Variants in STXBP4 observed in about 807,000 individuals in gnomAD.
STXBP4 encodes syntaxin binding protein 4, also known as syntaxin-binding protein 4.
In STXBP4, 55 loss-of-function variants were observed where a neutral mutation model predicts 76.1. That is an observed-to-expected ratio of 0.72 (90% confidence interval 0.58 to 0.91). The LOEUF (loss-of-function observed/expected upper bound fraction) is 0.91. STXBP4 is among the 40% of genes least tolerant of loss of function. The pLI, the probability that STXBP4 is intolerant of heterozygous loss-of-function variation, is 0.00. For missense variants in STXBP4, 618 were observed against 636.9 expected, an observed-to-expected ratio of 0.97 and a Z score of 0.32; for synonymous variants, 201 against 220.2, an observed-to-expected ratio of 0.91 and a Z score of 0.77.
rs1567739291 is a variant in STXBP4, at chr17:55,052,945, GTGT to G, written c.1011+5792_1011+5794del. 6.1e-4 allele frequency among the ~76,000 whole-genome samples: 87 copies of G among 142,874 alleles called. 3 individuals carry two copies. The South Asian group carries it at 0.02, about 33-fold the overall frequency. The allele number at this position is 142,874 out of a possible 152,430, so 93.7% of individuals were successfully genotyped here. A position where few individuals can be genotyped will look rare whatever the true frequency, so the allele number is the denominator to read the frequency against. On this transcript the variant is annotated intron_variant, in intron 12 of 17. Coordinates refer to ENST00000376352, the MANE Select transcript of STXBP4 (RefSeq NM_178509.6). Reference sequence around the variant, plus strand: ...TGTGTGTGTGTGTGTGTGTGTGTGTGTGTGTGGGTTGTATTCTTTAGAAATGTC... The same window carrying G: ...TGTGTGTGTGTGTGTGTGTGTGTGTGGTGGGTTGTATTCTTTAGAAATGTC...
chr17:55,017,792 A>G (rs2078235157), intron 8 of STXBP4, among the ~76,000 whole-genome samples: 1 of 152,166 alleles, frequency 6.6e-6, no homozygotes, highest in Non-Finnish European at 1.5e-5. Flanking sequence ...CTCCCAACCC[A>G]GAAGGGTTGG....
intron 7 of STXBP4, among the ~76,000 whole-genome samples, chr17:55,004,975 A>C (rs1413213156): frequency 6.6e-6 from 1 of 152,186 alleles, no homozygotes. Context: ...CTGAATTGAC[A>C]AAGTGTGCTG....
rs141691832 is a variant in STXBP4, at chr17:55,083,541, AT to A, written c.1489+2360del. Among the ~76,000 whole-genome samples, 477 of 152,214 alleles carry A rather than the reference AT, an allele frequency of 3.1e-3. 12 individuals are homozygous for A. Among genetic ancestry groups the A allele is most frequent in the East Asian group, 0.025 (128 of 5,172 alleles). On this transcript the variant is annotated intron_variant, in intron 16 of 17. Coordinates refer to ENST00000376352, the MANE Select transcript of STXBP4 (RefSeq NM_178509.6). ...TAATGGCTTAAACCAACAATTTAGTATTGTCTCTCATGGTCCTTTTGGTTAA... is the reference window on the plus strand; with the variant it reads ...TAATGGCTTAAACCAACAATTTAGTATGTCTCTCATGGTCCTTTTGGTTAA...
At chr17:55,102,844 T>C (rs2079583257) in intron 16 of STXBP4, among the ~76,000 whole-genome samples, 1 of 152,214 alleles carries the variant, frequency 6.6e-6, no homozygotes, top group Non-Finnish European at 1.5e-5. Context: ...TGGTATCTCA[T>C]TGTGGTTTTG....
At chr17:55,205,252 C>G in the STXBP4 span, among the ~76,000 whole-genome samples, 1 of 151,674 alleles carries the variant, frequency 6.6e-6, no homozygotes, top group African/African-American at 2.4e-5. Flanking sequence ...AGAAAGGTAT[C>G]AAGAGATGTT....
the STXBP4 span, among the ~76,000 whole-genome samples, chr17:55,191,857 G>C: frequency 2.0e-5 from 3 of 152,088 alleles, no homozygotes; most frequent in East Asian, 5.8e-4. Context: ...CCAATTTCAG[G>C]CACCAGTCAA....
intron 12 of STXBP4, among the ~76,000 whole-genome samples, chr17:55,054,419 G>C (rs1349298369): frequency 2.0e-5 from 3 of 152,084 alleles, no homozygotes; most frequent in African/African-American, 7.2e-5. Flanking sequence ...AACTTGGGAG[G>C]TGGAGGCTGC....
intron 17 of STXBP4, among the ~76,000 whole-genome samples, chr17:55,152,816 T>C (rs933024871): frequency 2.6e-5 from 4 of 152,298 alleles, no homozygotes; most frequent in South Asian, 4.1e-4. Context: ...CCATATCATA[T>C]GGCAAATACT....
chr17:55,145,247 C>T (rs2080139358), intron 17 of STXBP4, among the ~76,000 whole-genome samples: 1 of 152,158 alleles, frequency 6.6e-6, no homozygotes, highest in African/African-American at 2.4e-5. Flanking sequence ...TCTGTGTAGC[C>T]TGTGTTAGCT....
Position 55,172,718 on chromosome 17 carries a change from A to C in STXBP4, c.*12807A>C, listed in dbSNP as rs1331361177. 2 of 152,212 alleles carry C rather than the reference A, an allele frequency of 1.3e-5. No individual in the cohort carries two copies. Among genetic ancestry groups the C allele is most frequent in the African/African-American group, 4.8e-5 (2 of 41,442 alleles). The allele number at this position is 152,212 out of a possible 1,614,324, so 9.4% of individuals were successfully genotyped here. ...ATTATTTCTAATTTGCATATGAGAA[A>C]AAACTAAGGCTCGGATGAGTTATGT... On this transcript the variant is annotated 3_prime_UTR_variant, in exon 18 of 18. Coordinates refer to ENST00000376352, the MANE Select transcript of STXBP4 (RefSeq NM_178509.6).
At chr17:55,185,263 CCTTCTCCTTCTCCTTCTCCTT>C in the STXBP4 span, among the ~76,000 whole-genome samples, 89 of 51,492 alleles carry the variant, frequency 1.7e-3, 1 homozygote, top group African/African-American at 6.7e-3. Flanking sequence ...TTCTCCTTCT[CCTTCTCCTTCTCCTTCTCCTT>C]CTCCTTCTCC....
intron 7 of STXBP4, among the ~76,000 whole-genome samples, chr17:55,006,986 T>C (rs2078019923): frequency 6.6e-6 from 1 of 152,202 alleles, no homozygotes; most frequent in Non-Finnish European, 1.5e-5. Context: ...AATTGCCTAC[T>C]CTTATATCTT....
chr17:55,211,803 T>TG, the STXBP4 span, among the ~76,000 whole-genome samples: 5,680 of 110,116 alleles, frequency 0.052, 357 homozygotes, highest in East Asian at 0.22. Flanking sequence ...TTTGTTGTTT[T>TG]TTTTTTTTTT....
intron 8 of STXBP4, among the ~76,000 whole-genome samples, chr17:55,018,354 G>A (rs201261633): frequency 4.2e-4 from 64 of 152,314 alleles, no homozygotes; most frequent in Non-Finnish European, 7.6e-4. Flanking sequence ...GCGGGTCTGC[G>A]ATGGCAGCAA....
At chr17:55,121,527 C>T (rs2079843287) in intron 16 of STXBP4, among the ~76,000 whole-genome samples, 1 of 152,146 alleles carries the variant, frequency 6.6e-6, no homozygotes, top group Non-Finnish European at 1.5e-5. Context: ...CTAGAATCCC[C>T]AGGGTCTCTG....
intron 17 of STXBP4, among the ~76,000 whole-genome samples, chr17:55,142,392 A>C (rs2080103850): frequency 6.6e-6 from 1 of 152,200 alleles, no homozygotes; most frequent in Non-Finnish European, 1.5e-5. Flanking sequence ...TGTCCTTGCT[A>C]TCCCCTTTCA....
intron 7 of STXBP4, 143 bp from the exon 8 acceptor site, chr17:55,007,363 A>C: frequency 1.5e-6 from 1 of 682,622 alleles, no homozygotes; most frequent in Admixed American, 2.6e-5. Context: ...AAAAGAAAAA[A>C]AAATTATGCA....
chr17:55,085,325 T>A (rs1007320758), intron 16 of STXBP4, among the ~76,000 whole-genome samples: 1 of 151,774 alleles, frequency 6.6e-6, no homozygotes, highest in Admixed American at 6.6e-5. Context: ...AACCTGCATA[T>A]TGTGCACATG....
intron 16 of STXBP4, among the ~76,000 whole-genome samples, chr17:55,113,925 C>G (rs1241852672): frequency 6.6e-6 from 1 of 152,072 alleles, no homozygotes; most frequent in Non-Finnish European, 1.5e-5. Flanking sequence ...CTACCTCTGC[C>G]TCCTACAATC....
Sources: allele counts gnomAD v4.1 joint callset (sites outside exome capture counted in the v4.1 genomes callset), GRCh38; gene constraint gnomAD v4.1.1; transcripts MANE v1.5; gene names NCBI Gene and HGNC (gene_info 2026-07-23, HGNC 2026-07-21).